Variants in NKAIN2 observed in about 807,000 individuals in gnomAD.
The protein encoded by NKAIN2 is sodium/potassium-transporting ATPase subunit beta-1-interacting protein 2.
In NKAIN2, 14 loss-of-function variants were observed where a neutral mutation model predicts 32.6. That is an observed-to-expected ratio of 0.43 (90% CI 0.28 to 0.67). The LOEUF (loss-of-function observed/expected upper bound fraction) is 0.67. Among genes scored for constraint, NKAIN2 ranks in the 30% least tolerant of loss-of-function variants. NKAIN2 has a pLI of 0.17. For synonymous variants in NKAIN2, 80 were observed against 87.2 expected (o/e 0.92, Z 0.46); for missense variants, 198 against 258.3 (o/e 0.77, Z 1.60).
At chr6:124,525,189 G>A (rs1293209617) in intron 3 of NKAIN2, among the ~76,000 whole-genome samples, 1 of 152,078 alleles carries the variant, frequency 6.6e-6, no homozygotes, top group Admixed American at 6.5e-5. Context: ...GGTCACCAAC[G>A]AGACCTGTGC....
chr6:124,305,671 G>C (rs1437139094), intron 2 of NKAIN2, among the ~76,000 whole-genome samples: 1 of 152,154 alleles, frequency 6.6e-6, no homozygotes, highest in African/African-American at 2.4e-5. Context: ...GTGGCAAAAG[G>C]GTGGTAGACT....
chr6:123,820,029 T>A (rs1023622974), intron 1 of NKAIN2, among the ~76,000 whole-genome samples: 1 of 152,250 alleles, frequency 6.6e-6, no homozygotes, highest in Non-Finnish European at 1.5e-5. Context: ...GTCCTGGAAC[T>A]GAGATGTCAC....
chr6:124,038,576 C>T (rs947726799), intron 1 of NKAIN2, among the ~76,000 whole-genome samples: 1 of 152,066 alleles, frequency 6.6e-6, no homozygotes, highest in African/African-American at 2.4e-5. Flanking sequence ...CCACCTGGAA[C>T]TGGACATTTA....
At chr6:124,171,605 G>A (rs1185784290) in intron 1 of NKAIN2, among the ~76,000 whole-genome samples, 3 of 136,368 alleles carry the variant, frequency 2.2e-5, no homozygotes, top group African/African-American at 8.4e-5. Flanking sequence ...AGGCTGGAGT[G>A]CAGTGGTACC....
chr6:123,911,867 T>TC (rs1362271919), intron 1 of NKAIN2, among the ~76,000 whole-genome samples: 1 of 99,350 alleles, frequency 1.0e-5, no homozygotes, highest in Non-Finnish European at 2.1e-5. Flanking sequence ...ACATATCAAT[T>TC]CCCCCCAACC....
intron 4 of NKAIN2, among the ~76,000 whole-genome samples, chr6:124,695,311 T>C (rs1319717785): frequency 6.6e-6 from 1 of 152,190 alleles, no homozygotes; most frequent in Non-Finnish European, 1.5e-5. Flanking sequence ...GATACAAACG[T>C]ATATGTCAGA....
intron 4 of NKAIN2, among the ~76,000 whole-genome samples, chr6:124,663,955 T>G (rs1029267055): frequency 6.6e-6 from 1 of 152,138 alleles, no homozygotes; most frequent in African/African-American, 2.4e-5. Context: ...AAAAAAAACC[T>G]AGAAATTGAA....
chr6:124,180,351 A>T (rs949879123), intron 1 of NKAIN2, among the ~76,000 whole-genome samples: 25 of 152,106 alleles, frequency 1.6e-4, no homozygotes, highest in African/African-American at 4.8e-4. Flanking sequence ...CAGACAAGAG[A>T]GTGTGTGTAG....
At chr6:124,299,046 G>A (rs1486232237) in intron 2 of NKAIN2, among the ~76,000 whole-genome samples, 2 of 152,180 alleles carry the variant, frequency 1.3e-5, no homozygotes, top group Non-Finnish European at 2.9e-5. Flanking sequence ...TGAGGCATGG[G>A]AATTCACTGC....
chr6:124,573,341 C>G (rs1781203213), intron 3 of NKAIN2, among the ~76,000 whole-genome samples: 2 of 152,030 alleles, frequency 1.3e-5, no homozygotes, highest in Admixed American at 6.6e-5. Flanking sequence ...GAAGACCAGG[C>G]AATCTTACTC....
At chr6:124,403,424 A>C (rs181932556) in intron 3 of NKAIN2, among the ~76,000 whole-genome samples, 15 of 152,096 alleles carry the variant, frequency 9.9e-5, no homozygotes, top group African/African-American at 3.6e-4. Context: ...TTCCCTCCCC[A>C]GTTCCAGTAG....
intron 1 of NKAIN2, among the ~76,000 whole-genome samples, chr6:124,000,627 T>A (rs888943462): frequency 6.6e-6 from 1 of 152,058 alleles, no homozygotes; most frequent in Non-Finnish European, 1.5e-5. Context: ...AAACCTGGGT[T>A]CTTAAATTAT....
intron 2 of NKAIN2, among the ~76,000 whole-genome samples, chr6:124,299,204 G>A (rs1299575778): frequency 2.6e-5 from 4 of 152,172 alleles, no homozygotes; most frequent in South Asian, 2.1e-4. Flanking sequence ...CAGCAGCAGT[G>A]TAAGAGATAT....
intron 3 of NKAIN2, among the ~76,000 whole-genome samples, chr6:124,615,371 A>G (rs941940897): frequency 6.6e-6 from 1 of 152,236 alleles, no homozygotes; most frequent in Non-Finnish European, 1.5e-5. Context: ...ATTGTGTACT[A>G]AAACTAACAA....
intron 1 of NKAIN2, among the ~76,000 whole-genome samples, chr6:124,053,478 A>G (rs574633150): frequency 2.3e-4 from 35 of 152,210 alleles, no homozygotes; most frequent in African/African-American, 8.2e-4. Flanking sequence ...CTATACCTCC[A>G]TAGGCATAGG....
At chr6:123,919,924 ATAATGTTAACTT>A (rs1162345769) in intron 1 of NKAIN2, among the ~76,000 whole-genome samples, 1 of 152,144 alleles carries the variant, frequency 6.6e-6, no homozygotes, top group African/African-American at 2.4e-5. Context: ...AAAAGGCAGG[ATAATGTTAACTT>A]TAATTTATTC....
At chr6:124,542,163 A>G (rs1779935590) in intron 3 of NKAIN2, among the ~76,000 whole-genome samples, 1 of 152,094 alleles carries the variant, frequency 6.6e-6, no homozygotes, top group Non-Finnish European at 1.5e-5. Flanking sequence ...AATCTTTATT[A>G]TCTATATTTT....
intron 1 of NKAIN2, among the ~76,000 whole-genome samples, chr6:123,947,765 A>G (rs1166037755): frequency 6.6e-6 from 1 of 152,110 alleles, no homozygotes; most frequent in Non-Finnish European, 1.5e-5. Context: ...GGAACATTTC[A>G]AGTCCTCTGT....
At chr6:124,372,715 A>G (rs1252213872) in intron 3 of NKAIN2, among the ~76,000 whole-genome samples, 1 of 152,202 alleles carries the variant, frequency 6.6e-6, no homozygotes, top group Non-Finnish European at 1.5e-5. Context: ...AGGTACATCT[A>G]AATCACTGGC....
Sources: allele counts gnomAD v4.1 joint callset (sites outside exome capture counted in the v4.1 genomes callset), GRCh38; gene constraint gnomAD v4.1.1; transcripts MANE v1.5; gene names NCBI Gene and HGNC (gene_info 2026-07-23, HGNC 2026-07-21).